Variants in MTMR7 observed in about 807,000 individuals in gnomAD.
MTMR7 encodes the protein myotubularin related protein 7.
MTMR7 carries 76 observed loss-of-function variants against 81.2 expected under a neutral mutation model. The observed-to-expected ratio is 0.94, with a 90% CI of 0.78 to 1.13. The LOEUF (loss-of-function observed/expected upper bound fraction) is 1.13, where lower values mean the gene tolerates loss of function less well. MTMR7 is among the 50% of genes most tolerant of loss of function. The probability of loss-of-function intolerance (pLI) is 0.00; values close to 1 mark genes in which losing one functional copy is unlikely to be tolerated. For missense variants in MTMR7, 1,044 were observed against 820.0 expected (o/e 1.27, Z -3.34); for synonymous variants, 372 against 289.8 (o/e 1.28, Z -2.88).
chr8:17,345,929 G>A (rs1819539083), intron 5 of MTMR7: 1 of 152,178 alleles, frequency 6.6e-6, no homozygotes. Flanking sequence ...TTCTTTGGGG[G>A]TAGGAATACA....
chr8:17,378,549 G>A (rs1319780949), intron 1 of MTMR7, among the ~76,000 whole-genome samples: 1 of 152,160 alleles, frequency 6.6e-6, no homozygotes, highest in Non-Finnish European at 1.5e-5. Context: ...TACTTAGGGA[G>A]AGCTAAGACT....
At chr8:17,302,781 C>T (rs76761439) in intron 12 of MTMR7, among the ~76,000 whole-genome samples, 19 of 128,944 alleles carry the variant, frequency 1.5e-4, no homozygotes, top group African/African-American at 4.9e-4. Flanking sequence ...GGTGTGATAT[C>T]GGCTCCTTGC....
intron 2 of MTMR7, 110 bp downstream of exon 2, chr8:17,373,008 C>T (rs1264866543): frequency 7.5e-7 from 1 of 1,328,994 alleles, no homozygotes; most frequent in Non-Finnish European, 1.0e-6. Flanking sequence ...TCCCCAACAT[C>T]CAGGCACAAA....
intron 7 of MTMR7, among the ~76,000 whole-genome samples, chr8:17,321,364 C>T (rs1250671667): frequency 6.6e-6 from 1 of 152,188 alleles, no homozygotes; most frequent in Non-Finnish European, 1.5e-5. Context: ...TGGCTCTCAC[C>T]ATGTCAGCAC....
At chr8:17,402,125 G>C (rs555951868) in intron 1 of MTMR7, among the ~76,000 whole-genome samples, 97 of 152,074 alleles carry the variant, frequency 6.4e-4, no homozygotes, top group African/African-American at 2.3e-3. Flanking sequence ...GCACATAGTA[G>C]GTCTATATAT....
chr8:17,339,713 T>C (rs1019160270), intron 6 of MTMR7, among the ~76,000 whole-genome samples: 4 of 152,250 alleles, frequency 2.6e-5, no homozygotes, highest in African/African-American at 7.2e-5. Context: ...AATATTCACA[T>C]ACAAGTTTTT....
rs557805554 is a variant in MTMR7, at chr8:17,321,993, T to C, written c.866-8592A>G. ...ACCACTCTTATTTTCTCCTATGCAA[T>C]TGCTGGTGGGGTCAGTGAGGGTGCA... On this transcript the variant is annotated intron_variant, in intron 7 of 13. Coordinates refer to ENST00000180173, the MANE Select transcript of MTMR7 (RefSeq NM_004686.5). 1.1e-3 allele frequency among the ~76,000 whole-genome samples: 169 copies of C among 152,104 alleles called. 1 individual carries two copies. The highest frequency in any genetic ancestry group is 1.0e-3 in the South Asian group (5 of 4,818).
intron 1 of MTMR7, among the ~76,000 whole-genome samples, chr8:17,390,695 A>C (rs1287946309): frequency 6.6e-6 from 1 of 152,224 alleles, no homozygotes; most frequent in African/African-American, 2.4e-5. Flanking sequence ...GGCCTCAGGA[A>C]ACTTACAATC....
intron 3 of MTMR7, among the ~76,000 whole-genome samples, chr8:17,369,843 C>T (rs56893589): frequency 0.19 from 29,277 of 151,468 alleles, 4,922 homozygotes; most frequent in African/African-American, 0.44. Flanking sequence ...GACGGGGTTT[C>T]GCCGTCTTAG....
At chr8:17,364,168 T>C (rs1258506299) in intron 3 of MTMR7, among the ~76,000 whole-genome samples, 3 of 151,564 alleles carry the variant, frequency 2.0e-5, no homozygotes, top group African/African-American at 7.3e-5. Flanking sequence ...TAGCTGGGAC[T>C]ACAGGAGCCC....
At chr8:17,361,011 A>G in intron 4 of MTMR7, 106 bp downstream of exon 4, 1 of 1,235,228 alleles carries the variant, frequency 8.1e-7, no homozygotes, top group Non-Finnish European at 1.1e-6. Flanking sequence ...ACATATGGAT[A>G]TCTACAAAGA....
chr8:17,398,945 A>G (rs904423637), intron 1 of MTMR7, among the ~76,000 whole-genome samples: 1 of 152,184 alleles, frequency 6.6e-6, no homozygotes. Context: ...AGCCTCTGGT[A>G]ACTTCCGAGG....
At chr8:17,374,678 T>C (rs1251996347) in intron 1 of MTMR7, among the ~76,000 whole-genome samples, 1 of 151,912 alleles carries the variant, frequency 6.6e-6, no homozygotes, top group Non-Finnish European at 1.5e-5. Context: ...CCTGGGGTGG[T>C]AGCAGGTGCC....
intron 4 of MTMR7, among the ~76,000 whole-genome samples, chr8:17,358,445 T>C (rs555536575): frequency 1.3e-5 from 2 of 152,098 alleles, no homozygotes; most frequent in African/African-American, 4.8e-5. Context: ...CCAATCACAA[T>C]CATAACAGGA....
chr8:17,322,273 T>C (rs994787623), intron 7 of MTMR7, among the ~76,000 whole-genome samples: 2 of 152,250 alleles, frequency 1.3e-5, no homozygotes, highest in Non-Finnish European at 2.9e-5. Context: ...GACTTTATTA[T>C]GGCCTGTACG....
At chr8:17,324,743 G>A (rs1399327985) in intron 7 of MTMR7, among the ~76,000 whole-genome samples, 2 of 152,152 alleles carry the variant, frequency 1.3e-5, no homozygotes, top group African/African-American at 4.8e-5. Context: ...CCACTTTAAT[G>A]GGAAAATGGG....
chr8:17,345,751 T>A (rs1408912206), intron 5 of MTMR7, among the ~76,000 whole-genome samples: 1 of 152,192 alleles, frequency 6.6e-6, no homozygotes, highest in East Asian at 1.9e-4. Flanking sequence ...AACTTCAGGT[T>A]CATAAAATCT....
At chr8:17,375,098 A>G (rs1224109589) in intron 1 of MTMR7, among the ~76,000 whole-genome samples, 2 of 152,152 alleles carry the variant, frequency 1.3e-5, no homozygotes, top group Admixed American at 1.3e-4. Flanking sequence ...TCAAAAATGA[A>G]TAAATAATAG....
At chr8:17,319,618 T>C (rs1199201043) in intron 7 of MTMR7, among the ~76,000 whole-genome samples, 2 of 152,318 alleles carry the variant, frequency 1.3e-5, no homozygotes, top group Non-Finnish European at 2.9e-5. Flanking sequence ...TTTATATAGA[T>C]TAGCTTTAGC....
Sources: gnomAD v4.1 joint callset for allele counts (sites outside exome capture counted in the v4.1 genomes callset) on GRCh38, gnomAD v4.1.1 for gene constraint, MANE v1.5 for transcripts, NCBI Gene and HGNC (gene_info 2026-07-23, HGNC 2026-07-21) for gene names.